Variants in LDB3 observed in about 807,000 individuals in gnomAD.
LDB3 encodes LIM domain-binding protein 3.
LDB3 carries 49 observed loss-of-function variants against 69.0 expected under a neutral mutation model. The observed-to-expected ratio is 0.71, with a 90% CI of 0.56 to 0.90. LDB3 has a LOEUF of 0.90. Among genes scored for constraint, LDB3 ranks in the 40% least tolerant of loss-of-function variants. The pLI is 0.00. For missense variants in LDB3, 928 were observed against 974.1 expected (o/e 0.95, Z 0.63); for synonymous variants, 387 against 396.2 (o/e 0.98, Z 0.28).
At chr10:86,678,015 G>A (rs1024132556) in intron 2 of LDB3, among the ~76,000 whole-genome samples, 2 of 152,074 alleles carry the variant, frequency 1.3e-5, no homozygotes, top group East Asian at 1.9e-4. Context: ...GCTAATCAAG[G>A]TTACAAATAG....
rs1847608355 is a variant in LDB3, at chr10:86,735,723, G to A, written c.*2747G>A. The A allele has an allele frequency of 6.8e-6, 1 of 146,856 alleles. No homozygotes were observed. Among genetic ancestry groups the A allele is most frequent in the Admixed American group, 6.9e-5 (1 of 14,478 alleles). The allele number at this position is 146,856 out of a possible 1,614,324, so 9.1% of individuals were successfully genotyped here. ...GAATCCTGGAGGCGGAGGTTGCAGT[G>A]AGCCGAGATTATGCCATTGCACTCC... is the stretch of plus-strand genomic sequence containing the variant. On this transcript the variant is annotated 3_prime_UTR_variant, in exon 14 of 14. Coordinates refer to ENST00000361373, the MANE Select transcript of LDB3 (RefSeq NM_007078.3).
At chr10:86,673,456 C>T (rs1844599952) in intron 2 of LDB3, among the ~76,000 whole-genome samples, 1 of 152,136 alleles carries the variant, frequency 6.6e-6, no homozygotes, top group Non-Finnish European at 1.5e-5. Flanking sequence ...GGAGACATGA[C>T]AGGAGCCAGT....
chr10:86,680,666 G>A (rs987235988), intron 4 of LDB3, among the ~76,000 whole-genome samples: 2 of 151,412 alleles, frequency 1.3e-5, no homozygotes, highest in African/African-American at 4.8e-5. Context: ...GTAGCCCTTA[G>A]GACGTGCTGG....
intron 9 of LDB3, among the ~76,000 whole-genome samples, chr10:86,715,359 A>G (rs1483017428): frequency 1.3e-5 from 2 of 152,156 alleles, no homozygotes; most frequent in African/African-American, 2.4e-5. Context: ...AGAGGAAGCC[A>G]GCTGGACCTT....
chr10:86,696,634 A>G (rs1285432889), intron 7 of LDB3, among the ~76,000 whole-genome samples: 1 of 152,212 alleles, frequency 6.6e-6, no homozygotes, highest in Middle Eastern at 3.2e-3. Context: ...AGGCCTTGCT[A>G]GGACTTGACG....
At chr10:86,676,046 G>C (rs1049657098) in intron 2 of LDB3, among the ~76,000 whole-genome samples, 2 of 152,204 alleles carry the variant, frequency 1.3e-5, no homozygotes, top group African/African-American at 4.8e-5. Context: ...ATTAATAGAG[G>C]CTATGGCAAT....
Position 86,699,826 on chromosome 10 carries a change from T to C in LDB3, c.897-6705T>C. The stretch of plus-strand genomic sequence containing the variant: ...TGGGGAAGAGGCTGATCCCTGGCGC[T>C]GCCCGGCTCCCTCGCTGCCCTCTGG... On this transcript the variant is annotated intron_variant, in intron 7 of 13. Coordinates refer to ENST00000361373, the MANE Select transcript of LDB3 (RefSeq NM_007078.3). The surrounding 1 kb of genome is among the most constrained non-coding windows in gnomAD (Gnocchi z 4.9). 1 of 1,025,598 alleles carries C rather than the reference T, an allele frequency of 9.8e-7. No homozygotes were observed. The allele number at this position is 1,025,598 out of a possible 1,614,324, so 63.5% of individuals were successfully genotyped here.
At chr10:86,671,886 C>G (rs1483053481) in intron 2 of LDB3, among the ~76,000 whole-genome samples, 2 of 152,114 alleles carry the variant, frequency 1.3e-5, no homozygotes, top group Non-Finnish European at 2.9e-5. Context: ...GCCGAGGGGG[C>G]AGACCACTTG....
intron 5 of LDB3, among the ~76,000 whole-genome samples, chr10:86,689,815 T>A (rs1224713025): frequency 1.3e-5 from 2 of 152,208 alleles, no homozygotes; most frequent in Non-Finnish European, 2.9e-5. Flanking sequence ...TGACCTGATG[T>A]TGCGGTGACT....
In LDB3 at chr10:86,734,905, A is replaced by T. The variant is rs1475476344; in HGVS notation, c.*1929A>T. On this transcript the variant is annotated 3_prime_UTR_variant, in exon 14 of 14. Transcript: ENST00000361373. ...TTTTGGAAAGTTCAAATATGCAGGG[A>T]CAAGGAGGTTGCTGACTGTACTGAC... is the stretch of plus-strand genomic sequence containing the variant. 6.6e-6 allele frequency: 1 copy of T among 151,958 alleles called. No homozygotes were observed. The highest frequency in any genetic ancestry group is 1.9e-4 in the East Asian group (1 of 5,156). The allele number at this position is 151,958 out of a possible 1,614,324, so 9.4% of individuals were successfully genotyped here.
intron 2 of LDB3, among the ~76,000 whole-genome samples, chr10:86,674,819 C>T (rs892234860): frequency 6.6e-6 from 1 of 152,158 alleles, no homozygotes; most frequent in Non-Finnish European, 1.5e-5. Context: ...GCCTGGACTG[C>T]ACTCTCCATG....
At chr10:86,730,227 T>G (rs1325680029) in intron 13 of LDB3, among the ~76,000 whole-genome samples, 1 of 152,148 alleles carries the variant, frequency 6.6e-6, no homozygotes, top group African/African-American at 2.4e-5. Context: ...ACATGCATAT[T>G]GCCCCAAGCT....
At chr10:86,714,170 A>G (rs1846775918) in intron 9 of LDB3, among the ~76,000 whole-genome samples, 1 of 152,202 alleles carries the variant, frequency 6.6e-6, no homozygotes, top group South Asian at 2.1e-4. Flanking sequence ...CCAGTTTTAG[A>G]TGAAGAAATT....
chr10:86,680,216 T>G, intron 4 of LDB3, 59 bp downstream of exon 4: 1 of 1,488,852 alleles, frequency 6.7e-7, no homozygotes, highest in Non-Finnish European at 9.3e-7. Context: ...GTGCTGGCCC[T>G]GGCCAGCCTG....
rs2803558 is a variant in LDB3, at chr10:86,668,578, T to G, written c.-24+8T>G. On this transcript the variant is annotated splice_region_variant and intron_variant, in intron 1 of 13. Coordinates refer to ENST00000361373, the MANE Select transcript of LDB3 (RefSeq NM_007078.3). ...CAGCAAGGGACAGAACAGGCAAGGC[T>G]GGGGGTCAGGGGCAGGGGCAGAGGT... The G allele has an allele frequency of 1.2e-5, 10 of 850,164 alleles. No homozygotes were observed. The highest frequency in any genetic ancestry group is 1.8e-5 in the Non-Finnish European group (9 of 495,402). 52.7% of individuals were successfully genotyped at this position (850,164 alleles called of 1,614,324 possible). A position where few individuals can be genotyped will look rare whatever the true frequency, so the allele number is the denominator to read the frequency against.
intron 9 of LDB3, among the ~76,000 whole-genome samples, chr10:86,715,097 CTG>C (rs1846815162): frequency 1.3e-5 from 2 of 152,002 alleles, no homozygotes; most frequent in African/African-American, 2.4e-5. Flanking sequence ...GAAAGAGAGA[CTG>C]GAGATGGGGC....
At chr10:86,723,425 C>G (rs148585893) in intron 12 of LDB3, among the ~76,000 whole-genome samples, 1 of 152,026 alleles carries the variant, frequency 6.6e-6, no homozygotes, top group Non-Finnish European at 1.5e-5. Flanking sequence ...TGAAGGACAG[C>G]CTAGCACAAA....
intron 3 of LDB3, 81 bp from the exon 4 acceptor site, chr10:86,680,001 C>G (rs1159643656): frequency 2.4e-6 from 3 of 1,262,142 alleles, no homozygotes; most frequent in African/African-American, 1.5e-5. Context: ...CTCTTGCTCT[C>G]TCCTCACCAG....
intron 9 of LDB3, among the ~76,000 whole-genome samples, chr10:86,713,004 T>A (rs1409625708): frequency 6.6e-6 from 1 of 152,000 alleles, no homozygotes; most frequent in Non-Finnish European, 1.5e-5. Context: ...GAGGTGGCTG[T>A]GAAGCCGAGA....
Sources: gnomAD v4.1 joint callset for allele counts (sites outside exome capture counted in the v4.1 genomes callset) on GRCh38, gnomAD v4.1.1 for gene constraint, Gnocchi (gnomAD v3.1) non-coding constraint, MANE v1.5 for transcripts, NCBI Gene and HGNC (gene_info 2026-07-23, HGNC 2026-07-21) for gene names.